The following ADAM17 variants were observed in gnomAD, a reference collection of about 807,000 sequenced individuals.
ADAM17 encodes disintegrin and metalloproteinase domain-containing protein 17.
A neutral mutation model predicts 96.7 loss-of-function variants in ADAM17; 39 were observed. That is an observed-to-expected ratio of 0.40 (90% CI 0.31 to 0.53). The LOEUF (loss-of-function observed/expected upper bound fraction) is 0.53, where lower values mean the gene tolerates loss of function less well. ADAM17 is among the 20% of genes least tolerant of loss of function. The pLI is 0.44. For synonymous variants in ADAM17, 344 were observed against 359.2 expected (o/e 0.96, Z 0.48); for missense variants, 777 against 1,013.2 (o/e 0.77, Z 3.17).
At chr2:9,543,315 TC>T (rs1328942473) in intron 1 of ADAM17, 30 bp from the exon 2 acceptor site, 44 of 1,541,248 alleles carry the variant, frequency 2.9e-5, no homozygotes, top group Non-Finnish European at 3.7e-5. Context: ...GGTATTAGCA[TC>T]TAAACCTAAT....
At position 9,542,784 on chromosome 2, in the gene ADAM17, A is replaced by G. The variant is rs189041892; in HGVS notation, c.230+369T>C. Among the ~76,000 whole-genome samples the G allele has an allele frequency of 6.5e-3, 992 of 152,096 alleles. 7 individuals carry two copies. Among genetic ancestry groups the G allele is most frequent in the African/African-American group, 0.022 (913 of 41,490 alleles). ...CACCATCTCGGCTAGTGCAGCCTCCACCTCCCTGGTTCAAGTGATTCTCCT... is the reference window on the plus strand; with the variant it reads ...CACCATCTCGGCTAGTGCAGCCTCCGCCTCCCTGGTTCAAGTGATTCTCCT... On this transcript the variant is annotated intron_variant, in intron 2 of 18. Transcript: ENST00000310823.
chr2:9,520,184 G>T (rs2125019891), intron 8 of ADAM17, among the ~76,000 whole-genome samples: 1 of 152,310 alleles, frequency 6.6e-6, no homozygotes, highest in South Asian at 2.1e-4. Context: ...AATAAGTGTT[G>T]TTCTAAGCTG....
At chr2:9,527,343 T>C (rs1427833209) in intron 5 of ADAM17, among the ~76,000 whole-genome samples, 2 of 152,058 alleles carry the variant, frequency 1.3e-5, no homozygotes, top group African/African-American at 4.8e-5. Flanking sequence ...GGCAGTAAAA[T>C]TCCAAGATGG....
Position 9,490,456 on chromosome 2 carries a change from C to G in ADAM17, c.2196G>C (p.Ala732=), listed in dbSNP as rs746436310. The G allele has an allele frequency of 6.2e-7, 1 of 1,613,944 alleles. No individual in the cohort carries two copies. Among genetic ancestry groups the G allele is most frequent in the African/African-American group, 1.3e-5 (1 of 74,992 alleles). The change falls in exon 19 of 19, where the codon GCG becomes GCC. Residue 732 remains alanine (A), a synonymous_variant. Coordinates refer to ENST00000310823, the MANE Select transcript of ADAM17 (RefSeq NM_003183.6). ...GCTGCAGGCGGCCTGGAGTCTGGGG[C>G]GCAGGAAAGGGTTTGATAATGCGAA... ...ASVRIIKPFP[A]PQTPGRLQPA...
rs1665732112 is a variant in ADAM17, at chr2:9,555,747, G to A, written c.-142C>T. On this transcript the variant is annotated 5_prime_UTR_variant, in exon 1 of 19. Transcript: ENST00000310823. Reference sequence around the variant, plus strand: ...TTTTCCCTCCCGCGCCGCCTACTGGGAAGATTCTACCGCCAGGCTCGACGC... The same window carrying A: ...TTTTCCCTCCCGCGCCGCCTACTGGAAAGATTCTACCGCCAGGCTCGACGC... The A allele has an allele frequency of 6.1e-6, 4 of 657,742 alleles. No individual in the cohort carries two copies. The highest frequency in any genetic ancestry group is 3.7e-5 in the Admixed American group (1 of 27,134). 40.7% of individuals were successfully genotyped at this position (657,742 alleles called of 1,614,324 possible). A position where few individuals can be genotyped will look rare whatever the true frequency, so the allele number is the denominator to read the frequency against.
intron 11 of ADAM17, among the ~76,000 whole-genome samples, chr2:9,505,958 C>A (rs1663361681): frequency 6.6e-6 from 1 of 152,140 alleles, no homozygotes. Flanking sequence ...CATCAACCAG[C>A]AAGACCAGTG....
chr2:9,545,612 G>A (rs1665375796), intron 1 of ADAM17, among the ~76,000 whole-genome samples: 1 of 151,896 alleles, frequency 6.6e-6, no homozygotes, highest in South Asian at 2.1e-4. Context: ...CTAAAGGAAG[G>A]TAACAACTCA....
chr2:9,494,415 T>C (rs1662397510), intron 15 of ADAM17, among the ~76,000 whole-genome samples: 2 of 152,122 alleles, frequency 1.3e-5, no homozygotes, highest in Non-Finnish European at 2.9e-5. Flanking sequence ...CCAGTCCTTC[T>C]CAGTCTCTGG....
In ADAM17 at chr2:9,552,536, G is replaced by A. The variant is rs553376077; in HGVS notation, c.97+2973C>T. 5.3e-5 allele frequency among the ~76,000 whole-genome samples: 8 copies of A among 152,266 alleles called. No individual in the cohort carries two copies. In the South Asian group the frequency reaches 1.2e-3, roughly 24 times the overall value. On this transcript the variant is annotated intron_variant, in intron 1 of 18. Transcript: ENST00000310823. ...AATGGTGCTGTCAATAATGAAATCA[G>A]CACTGCAATATGGAGAATCCCCATG...
intron 11 of ADAM17, among the ~76,000 whole-genome samples, chr2:9,507,678 A>G (rs988925191): frequency 3.9e-5 from 6 of 152,110 alleles, no homozygotes; most frequent in Non-Finnish European, 8.8e-5. Flanking sequence ...CCAGAAAAAA[A>G]AAGTTCTTCC....
At chr2:9,554,117 C>A (rs1313808830) in intron 1 of ADAM17, among the ~76,000 whole-genome samples, 3 of 152,146 alleles carry the variant, frequency 2.0e-5, no homozygotes, top group African/African-American at 7.2e-5. Flanking sequence ...ATGAATTGAT[C>A]TAGAAAGTAA....
chr2:9,514,648 C>A (rs1474034383), intron 10 of ADAM17, among the ~76,000 whole-genome samples: 4 of 148,348 alleles, frequency 2.7e-5, no homozygotes, highest in Non-Finnish European at 5.9e-5. Flanking sequence ...CCAAGGCGGG[C>A]AGATCACAAG....
rs201518993 is a variant in ADAM17 at position 9,526,072 on chromosome 2, T to A, written c.753+39A>T. The A allele has an allele frequency of 5.1e-5, 78 of 1,521,062 alleles. No individual in the cohort carries two copies. In the African/African-American group the frequency reaches 1.0e-3, roughly 20 times the overall value. The allele number at this position is 1,521,062 out of a possible 1,614,324, so 94.2% of individuals were successfully genotyped here. A position where few individuals can be genotyped will look rare whatever the true frequency, so the allele number is the denominator to read the frequency against. On this transcript the variant is annotated intron_variant, in intron 6 of 18. Transcript: ENST00000310823. Reference sequence around the variant, plus strand: ...GTTTCATGGAATGTACCCACCCAAATTTTTTTTTCAATTACTCGATGCAAT... The same window carrying A: ...GTTTCATGGAATGTACCCACCCAAAATTTTTTTTCAATTACTCGATGCAAT...
At chr2:9,503,707 T>C (rs1663172219) in intron 12 of ADAM17, among the ~76,000 whole-genome samples, 1 of 151,612 alleles carries the variant, frequency 6.6e-6, no homozygotes, top group Admixed American at 6.6e-5. Context: ...GGCGTGGTGG[T>C]GCACACTGTA....
Position 9,548,599 on chromosome 2 carries a change from A to G in ADAM17, c.98-5314T>C. Reference sequence around the variant, plus strand: ...CTTGGGAGAAACAGAAATGAAAACAAAAGATTCTGGAGTTTCATATTCTAT... The same window carrying G: ...CTTGGGAGAAACAGAAATGAAAACAGAAGATTCTGGAGTTTCATATTCTAT... On this transcript the variant is annotated intron_variant, in intron 1 of 18. Coordinates refer to ENST00000310823, the MANE Select transcript of ADAM17 (RefSeq NM_003183.6). Among the ~76,000 whole-genome samples, 2 of 152,186 alleles carry G rather than the reference A, an allele frequency of 1.3e-5. 1 individual carries two copies.
chr2:9,494,610 C>T, intron 15 of ADAM17, 27 bp downstream of exon 15: 3 of 1,608,318 alleles, frequency 1.9e-6, no homozygotes, highest in Non-Finnish European at 1.7e-6. Flanking sequence ...CTGGCTGTTA[C>T]AGAAAAAGCT....
chr2:9,502,362 T>C (rs555269966), intron 12 of ADAM17, 86 bp from the exon 13 acceptor site: 6 of 1,178,522 alleles, frequency 5.1e-6, no homozygotes, highest in East Asian at 4.7e-5. Context: ...TACAGTGACC[T>C]GAAGATCACC....
At position 9,503,761 on chromosome 2, in the gene ADAM17, C is replaced by G. The variant is rs369388407; in HGVS notation, c.1544+1405G>C. On this transcript the variant is annotated intron_variant, in intron 12 of 18. Coordinates refer to ENST00000310823, the MANE Select transcript of ADAM17 (RefSeq NM_003183.6). ...GCTGAGGCAGGGGAATGGCTTGAACCCAGGAGGCGGAGGTTGCAGTGAGCC... is the reference window on the plus strand; with the variant it reads ...GCTGAGGCAGGGGAATGGCTTGAACGCAGGAGGCGGAGGTTGCAGTGAGCC... 7.3e-5 allele frequency among the ~76,000 whole-genome samples: 11 copies of G among 151,634 alleles called. No homozygotes were observed. The East Asian group carries it at 2.1e-3, about 29-fold the overall frequency.
At chr2:9,528,842 T>C (rs762170861) in intron 4 of ADAM17, among the ~76,000 whole-genome samples, 10 of 152,186 alleles carry the variant, frequency 6.6e-5, no homozygotes, top group Admixed American at 1.3e-4. Flanking sequence ...CCCTCACATA[T>C]GCTGATGAGA....
Sources: gnomAD v4.1 joint callset for allele counts (sites outside exome capture counted in the v4.1 genomes callset) on GRCh38, gnomAD v4.1.1 for gene constraint, MANE v1.5 for transcripts, NCBI Gene and HGNC (gene_info 2026-07-23, HGNC 2026-07-21) for gene names.